Variants in IL2RA observed in about 807,000 individuals in gnomAD.
IL2RA encodes the protein interleukin 2 receptor subunit alpha.
IL2RA carries 24 observed loss-of-function variants against 37.8 expected under a neutral mutation model. That is an observed-to-expected ratio of 0.63 (90% CI 0.46 to 0.89). IL2RA has a LOEUF of 0.89. Among genes scored for constraint, IL2RA ranks in the 40% least tolerant of loss-of-function variants. The pLI, the probability that IL2RA is intolerant of heterozygous loss-of-function variation, is 0.00. For synonymous variants in IL2RA, 125 were observed against 114.6 expected (o/e 1.09, Z -0.58); for missense variants, 319 against 348.6 (o/e 0.92, Z 0.68).
In IL2RA at chr10:6,059,935, T is replaced by C. The variant is rs140860467; in HGVS notation, c.64+2153A>G. ...AGTGTCAGGACTATATCTCCCTCAT[T>C]TTTGTATTTCCTATAGTGTTGAGGG... On this transcript the variant is annotated intron_variant, in intron 1 of 7. Coordinates refer to ENST00000379959, the MANE Select transcript of IL2RA (RefSeq NM_000417.3). Among the ~76,000 whole-genome samples, 862 of 152,258 alleles carry C rather than the reference T, an allele frequency of 5.7e-3. 12 individuals are homozygous for C. Among genetic ancestry groups the C allele is most frequent in the African/African-American group, 0.019 (810 of 41,544 alleles).
intron 1 of IL2RA, among the ~76,000 whole-genome samples, chr10:6,031,464 A>AC (rs1564545870): frequency 3.9e-5 from 1 of 25,444 alleles, no homozygotes; most frequent in East Asian, 1.5e-3. Context: ...ACATATATAT[A>AC]TATATATATA....
rs1410180373 is a variant in IL2RA, at chr10:6,020,830, G to A, written c.583+648C>T. Among the ~76,000 whole-genome samples, 22 of 152,158 alleles carry A rather than the reference G, an allele frequency of 1.4e-4. No individual in the cohort carries two copies. Among genetic ancestry groups the A allele is most frequent in the Admixed American group, 1.4e-3 (22 of 15,282 alleles). ...TTACAGGTGTGAGCCACTGTGCCCA[G>A]CCTGCATGTAAGTCACTTTTGATTG... On this transcript the variant is annotated intron_variant, in intron 4 of 7. Transcript: ENST00000379959. The surrounding 1 kb of genome is among the most constrained non-coding windows in gnomAD (Gnocchi z 5.6).
At chr10:6,024,076 A>G (rs1839436190) in intron 3 of IL2RA, among the ~76,000 whole-genome samples, 168 bp downstream of exon 3, 2 of 152,210 alleles carry the variant, frequency 1.3e-5, no homozygotes, top group Admixed American at 6.5e-5. Flanking sequence ...ACAGCCTCTG[A>G]GCAACTCTGC....
intron 1 of IL2RA, among the ~76,000 whole-genome samples, chr10:6,061,502 T>C (rs1439433674): frequency 6.6e-6 from 1 of 152,222 alleles, no homozygotes; most frequent in Non-Finnish European, 1.5e-5. Context: ...AGTAGTAATG[T>C]TCTAAAAGTG....
At position 6,015,716 on chromosome 10, in the gene IL2RA, T is replaced by G. The variant is rs989888902; in HGVS notation, c.794+2337A>C. 1.3e-5 allele frequency among the ~76,000 whole-genome samples: 2 copies of G among 152,242 alleles called. No homozygotes were observed. The highest frequency in any genetic ancestry group is 1.5e-5 in the Non-Finnish European group (1 of 68,048). On this transcript the variant is annotated intron_variant, in intron 7 of 7. Transcript: ENST00000379959. The surrounding 1 kb of genome is among the most constrained non-coding windows in gnomAD (Gnocchi z 4.9). ...ATCATCTCAAACATTTATCGTTTCTTTATGTTCCTACAGATGATTCTGGTG... is the reference window on the plus strand; with the variant it reads ...ATCATCTCAAACATTTATCGTTTCTGTATGTTCCTACAGATGATTCTGGTG...
In IL2RA at chr10:6,029,769, A is replaced by G. The variant is rs1292216529; in HGVS notation, c.65-3744T>C. ...GCCCAGGCTGGAGTGCAGTGGCACA[A>G]TCTTGGCTCACTGAAACCTCTGCCT... On this transcript the variant is annotated intron_variant, in intron 1 of 7. Transcript: ENST00000379959. The surrounding 1 kb of genome is among the most constrained non-coding windows in gnomAD (Gnocchi z 4.6). 2.0e-5 allele frequency among the ~76,000 whole-genome samples: 3 copies of G among 152,138 alleles called. No individual in the cohort carries two copies. Among genetic ancestry groups the G allele is most frequent in the African/African-American group, 4.8e-5 (2 of 41,438 alleles).
chr10:6,051,515 A>AT lies in IL2RA; in HGVS notation c.64+10572dup, dbSNP rs1405373221. ...CACAAATATATATATATATATATAT[A>AT]TATTTTTTTTCTTTTTTTTTTTGAG... On this transcript the variant is annotated intron_variant, in intron 1 of 7. Coordinates refer to ENST00000379959, the MANE Select transcript of IL2RA (RefSeq NM_000417.3). Among the ~76,000 whole-genome samples, 132 of 46,518 alleles carry AT rather than the reference A, an allele frequency of 2.8e-3. 1 individual carries two copies. The highest frequency in any genetic ancestry group is 6.9e-3 in the South Asian group (9 of 1,302). The allele number at this position is 46,518 out of a possible 152,430, so 30.5% of individuals were successfully genotyped here. A position where few individuals can be genotyped will look rare whatever the true frequency, so the allele number is the denominator to read the frequency against.
chr10:6,013,305 G>T (rs1409235776), intron 7 of IL2RA, among the ~76,000 whole-genome samples: 1 of 152,210 alleles, frequency 6.6e-6, no homozygotes, highest in Admixed American at 6.5e-5. Flanking sequence ...GACACCTGTG[G>T]CTAGGGAACG....
At chr10:6,039,060 A>G (rs2132878348) in intron 1 of IL2RA, among the ~76,000 whole-genome samples, 1 of 152,366 alleles carries the variant, frequency 6.6e-6, no homozygotes, top group African/African-American at 2.4e-5. Context: ...TTTTAAAAAT[A>G]TGCAGTTATA....
At chr10:6,023,297 A>G (rs986648325) in intron 3 of IL2RA, among the ~76,000 whole-genome samples, 3 of 152,130 alleles carry the variant, frequency 2.0e-5, no homozygotes, top group Non-Finnish European at 2.9e-5. Context: ...AGAAAGCTCA[A>G]TTCTTCCTAG....
intron 7 of IL2RA, among the ~76,000 whole-genome samples, chr10:6,016,550 C>G (rs952588097): frequency 6.6e-6 from 1 of 152,078 alleles, no homozygotes; most frequent in Non-Finnish European, 1.5e-5. Flanking sequence ...TGACTGGAGC[C>G]CAATCATTGA....
At chr10:6,060,536 C>T (rs544436884) in intron 1 of IL2RA, among the ~76,000 whole-genome samples, 1 of 152,292 alleles carries the variant, frequency 6.6e-6, no homozygotes, top group African/African-American at 2.4e-5. Context: ...GCTGGTGGAC[C>T]ACAAGGTCAG....
At position 6,028,167 on chromosome 10, in the gene IL2RA, G is replaced by C. The variant is rs1041888562; in HGVS notation, c.65-2142C>G. Among the ~76,000 whole-genome samples, 1 of 152,110 alleles carries C rather than the reference G, an allele frequency of 6.6e-6. No homozygotes were observed. The highest frequency in any genetic ancestry group is 1.5e-5 in the Non-Finnish European group (1 of 68,044). Reference sequence around the variant, plus strand: ...CCGGCAGCACCCAGGTGGAACCCAAGCAGAGTGGTTTCATTGACGTGACAT... The same window carrying C: ...CCGGCAGCACCCAGGTGGAACCCAACCAGAGTGGTTTCATTGACGTGACAT... On this transcript the variant is annotated intron_variant, in intron 1 of 7. Coordinates refer to ENST00000379959, the MANE Select transcript of IL2RA (RefSeq NM_000417.3). The surrounding 1 kb of genome is among the most constrained non-coding windows in gnomAD (Gnocchi z 4.1).
At chr10:6,037,978 G>A (rs916335037) in intron 1 of IL2RA, among the ~76,000 whole-genome samples, 4 of 152,198 alleles carry the variant, frequency 2.6e-5, no homozygotes, top group Non-Finnish European at 2.9e-5. Flanking sequence ...AGTTTAGGCC[G>A]TATAGAAAGT....
Position 6,056,153 on chromosome 10 carries a change from T to C in IL2RA, c.64+5935A>G, listed in dbSNP as rs1230134682. ...AGTTACTTGAGAATATGGTGGGGTA[T>C]TCAGTGGGGGCTATTGGCAAACACT... On this transcript the variant is annotated intron_variant, in intron 1 of 7. Coordinates refer to ENST00000379959, the MANE Select transcript of IL2RA (RefSeq NM_000417.3). The surrounding 1 kb of genome is among the most constrained non-coding windows in gnomAD (Gnocchi z 5.0). 1.3e-5 allele frequency among the ~76,000 whole-genome samples: 2 copies of C among 152,202 alleles called. No homozygotes were observed.
chr10:6,039,303 A>G (rs973061415), intron 1 of IL2RA: 2 of 152,264 alleles, frequency 1.3e-5, no homozygotes, highest in African/African-American at 4.8e-5. Context: ...ATCAAGAATC[A>G]GGAAAACATA....
chr10:6,019,255 C>T (rs1226479592), intron 6 of IL2RA, among the ~76,000 whole-genome samples, 173 bp downstream of exon 6: 1 of 152,204 alleles, frequency 6.6e-6, no homozygotes, highest in Non-Finnish European at 1.5e-5. Context: ...AACCAACTAA[C>T]CTCCCAACCT....
At position 6,033,247 on chromosome 10, in the gene IL2RA, C is replaced by T. The variant is rs564541352; in HGVS notation, c.65-7222G>A. On this transcript the variant is annotated intron_variant, in intron 1 of 7. Coordinates refer to ENST00000379959, the MANE Select transcript of IL2RA (RefSeq NM_000417.3). The surrounding 1 kb of genome is among the most constrained non-coding windows in gnomAD (Gnocchi z 4.3). ...CAGAGGTTGCAGTGAGCTGAGATCA[C>T]GCCACTGCCCTCCAGCCTGGGCAAC... Among the ~76,000 whole-genome samples the T allele has an allele frequency of 4.6e-5, 7 of 152,016 alleles. No individual in the cohort carries two copies. The East Asian group carries it at 5.8e-4, about 13-fold the overall frequency.
rs1175121644 is a variant in IL2RA at position 6,021,293 on chromosome 10, G to A, written c.583+185C>T. 6.7e-6 allele frequency among the ~76,000 whole-genome samples: 1 copy of A among 148,500 alleles called. No individual in the cohort carries two copies. Among genetic ancestry groups the A allele is most frequent in the African/African-American group, 2.5e-5 (1 of 40,202 alleles). ...GACCTTCATTGAAGGAGCCCTTAGAGTCCATCTGATCTGGTCTATTTAAAT... is the reference window on the plus strand; with the variant it reads ...GACCTTCATTGAAGGAGCCCTTAGAATCCATCTGATCTGGTCTATTTAAAT... On this transcript the variant is annotated intron_variant, in intron 4 of 7. Coordinates refer to ENST00000379959, the MANE Select transcript of IL2RA (RefSeq NM_000417.3). This position sits in a 1 kb window ranked among gnomAD's most constrained non-coding sequence, Gnocchi z 4.9.
Sources: gnomAD v4.1 joint callset for allele counts (sites outside exome capture counted in the v4.1 genomes callset) on GRCh38, gnomAD v4.1.1 for gene constraint, Gnocchi (gnomAD v3.1) non-coding constraint, MANE v1.5 for transcripts, NCBI Gene and HGNC (gene_info 2026-07-23, HGNC 2026-07-21) for gene names.